The following PTPRG variants were observed in gnomAD, a reference collection of about 807,000 sequenced individuals.
PTPRG encodes the protein receptor-type tyrosine-protein phosphatase gamma.
A neutral mutation model predicts 165.3 loss-of-function variants in PTPRG; 102 were observed. The ratio of observed to expected loss-of-function variants is 0.62; its 90% CI spans 0.53 to 0.73. The LOEUF (loss-of-function observed/expected upper bound fraction) is 0.73. Among genes scored for constraint, PTPRG ranks in the 30% least tolerant of loss-of-function variants. The pLI, the probability that PTPRG is intolerant of heterozygous loss-of-function variation, is 0.00. For synonymous variants in PTPRG, 675 were observed against 669.5 expected, an observed-to-expected ratio of 1.01 and a Z score of -0.13; for missense variants, 1,866 against 1,861.4, an observed-to-expected ratio of 1.00 and a Z score of -0.05.
chr3:62,164,710 G>A (rs1032240389), intron 7 of PTPRG, among the ~76,000 whole-genome samples: 5 of 152,208 alleles, frequency 3.3e-5, no homozygotes, highest in Non-Finnish European at 7.3e-5. Flanking sequence ...AGCAATTTAA[G>A]TGAAAGCATT....
intron 5 of PTPRG, among the ~76,000 whole-genome samples, chr3:62,098,109 A>C (rs189261609): frequency 1.3e-5 from 2 of 152,196 alleles, no homozygotes; most frequent in Admixed American, 6.5e-5. Context: ...TTTAATATCA[A>C]TTTACTCTTC....
chr3:61,879,150 T>C (rs1238751388), intron 2 of PTPRG, among the ~76,000 whole-genome samples: 1 of 152,226 alleles, frequency 6.6e-6, no homozygotes, highest in Non-Finnish European at 1.5e-5. Flanking sequence ...GAAAAGTCAT[T>C]GGACAGTGTG....
chr3:62,041,556 C>G (rs927545305), intron 4 of PTPRG, among the ~76,000 whole-genome samples: 14 of 152,140 alleles, frequency 9.2e-5, no homozygotes, highest in Admixed American at 6.5e-4. Flanking sequence ...ACTCCTAATT[C>G]TGAATTTTAG....
At chr3:62,178,675 G>A (rs999499250) in intron 8 of PTPRG, among the ~76,000 whole-genome samples, 10 of 152,206 alleles carry the variant, frequency 6.6e-5, no homozygotes, top group Non-Finnish European at 1.5e-4. Flanking sequence ...GCTTGGGAGC[G>A]TTTGAGCTGA....
At chr3:61,813,343 A>AG (rs2035648059) in intron 2 of PTPRG, among the ~76,000 whole-genome samples, 1 of 150,074 alleles carries the variant, frequency 6.7e-6, no homozygotes, top group African/African-American at 2.4e-5. Context: ...AAAAAAAAAA[A>AG]AAATAGAAAA....
At chr3:62,150,670 C>CT (rs1384780680) in intron 6 of PTPRG, among the ~76,000 whole-genome samples, 1 of 151,688 alleles carries the variant, frequency 6.6e-6, no homozygotes, top group Non-Finnish European at 1.5e-5. Context: ...TGCTTTTCCT[C>CT]TAAAAAAAAA....
At chr3:62,099,982 A>G (rs1226237294) in intron 5 of PTPRG, among the ~76,000 whole-genome samples, 1 of 151,896 alleles carries the variant, frequency 6.6e-6, no homozygotes, top group Non-Finnish European at 1.5e-5. Flanking sequence ...TATTTTTAGT[A>G]GAGACAGGGT....
intron 1 of PTPRG, among the ~76,000 whole-genome samples, chr3:61,726,169 G>A (rs2106811607): frequency 6.6e-6 from 1 of 152,292 alleles, no homozygotes; most frequent in Non-Finnish European, 1.5e-5. Flanking sequence ...TCTGCACAGA[G>A]CGGCAGTTCT....
chr3:61,721,009 A>G (rs1220438279), intron 1 of PTPRG, among the ~76,000 whole-genome samples: 1 of 152,204 alleles, frequency 6.6e-6, no homozygotes, highest in Non-Finnish European at 1.5e-5. Context: ...CTGGCACTTA[A>G]TCAGACATCT....
Position 62,292,568 on chromosome 3 carries a change from G to T in PTPRG, c.4191+12G>T. On this transcript the variant is annotated intron_variant, in intron 29 of 29. Transcript: ENST00000474889. ...TATTCACAGACATTGTAAGTAGTTT[G>T]CTTATGTGTAAAACCTGTACTACAT... 2 of 1,611,990 alleles carry T rather than the reference G, an allele frequency of 1.2e-6. No homozygotes were observed. The highest frequency in any genetic ancestry group is 1.7e-6 in the Non-Finnish European group (2 of 1,178,886).
chr3:62,012,911 G>A (rs548186059), intron 4 of PTPRG, among the ~76,000 whole-genome samples: 3 of 152,258 alleles, frequency 2.0e-5, no homozygotes, highest in East Asian at 3.9e-4. Context: ...GTGCAAAAGG[G>A]TATACTTTTT....
At chr3:62,206,803 C>A (rs1393469231) in intron 12 of PTPRG, among the ~76,000 whole-genome samples, 1 of 149,940 alleles carries the variant, frequency 6.7e-6, no homozygotes, top group Non-Finnish European at 1.5e-5. Context: ...CACAGCGGCT[C>A]ATGCCTGTAG....
At chr3:61,621,906 C>G (rs1198840621) in intron 1 of PTPRG, among the ~76,000 whole-genome samples, 2 of 152,126 alleles carry the variant, frequency 1.3e-5, no homozygotes, top group East Asian at 3.9e-4. Context: ...CGGGAAATAG[C>G]CAGCACATGG....
At chr3:61,718,023 T>C (rs2106777622) in intron 1 of PTPRG, among the ~76,000 whole-genome samples, 1 of 148,538 alleles carries the variant, frequency 6.7e-6, no homozygotes, top group Non-Finnish European at 1.5e-5. Flanking sequence ...CTACTAAAAA[T>C]AAAAAAATTA....
At chr3:61,844,003 G>A (rs1326447064) in intron 2 of PTPRG, among the ~76,000 whole-genome samples, 2 of 138,300 alleles carry the variant, frequency 1.4e-5, no homozygotes, top group South Asian at 2.3e-4. Flanking sequence ...TCATTCTGTC[G>A]CCCAGGCTGG....
intron 2 of PTPRG, among the ~76,000 whole-genome samples, chr3:61,862,942 G>A (rs551474515): frequency 7.3e-5 from 11 of 150,032 alleles, no homozygotes; most frequent in South Asian, 2.1e-4. Flanking sequence ...ATTGCCTCAA[G>A]TATAAAAGCA....
At chr3:61,734,764 T>G (rs889987795) in intron 1 of PTPRG, among the ~76,000 whole-genome samples, 1 of 152,214 alleles carries the variant, frequency 6.6e-6, no homozygotes, top group Admixed American at 6.5e-5. Context: ...CAAGTTTGAT[T>G]GACCGTATTG....
At chr3:61,633,423 T>C (rs1237084423) in intron 1 of PTPRG, among the ~76,000 whole-genome samples, 2 of 152,228 alleles carry the variant, frequency 1.3e-5, no homozygotes, top group South Asian at 4.1e-4. Flanking sequence ...AGCTTATGGA[T>C]TGGAAATTTG....
chr3:61,711,680 A>G (rs752588162), intron 1 of PTPRG, among the ~76,000 whole-genome samples: 37 of 152,204 alleles, frequency 2.4e-4, no homozygotes, highest in Non-Finnish European at 1.9e-4. Context: ...AATTTTTGCA[A>G]TGTGTACATC....
Sources: gnomAD v4.1 joint callset for allele counts (sites outside exome capture counted in the v4.1 genomes callset) on GRCh38, gnomAD v4.1.1 for gene constraint, MANE v1.5 for transcripts, NCBI Gene and HGNC (gene_info 2026-07-23, HGNC 2026-07-21) for gene names.